PDE3A: variants seen among roughly 807,000 people sequenced by gnomAD.
The protein encoded by PDE3A is cGMP-inhibited 3',5'-cyclic phosphodiesterase 3A.
In PDE3A, 43 loss-of-function variants were observed where a neutral mutation model predicts 98.3. The ratio of observed to expected loss-of-function variants is 0.44; its 90% CI spans 0.34 to 0.56. The LOEUF is 0.56. Among genes scored for constraint, PDE3A ranks in the 20% least tolerant of loss-of-function variants. PDE3A has a pLI of 0.01. For synonymous variants in PDE3A, 663 were observed against 567.9 expected (o/e 1.17, Z -2.38); for missense variants, 1,427 against 1,440.7 (o/e 0.99, Z 0.15).
At chr12:20,407,931 T>A (rs1047790014) in intron 1 of PDE3A, among the ~76,000 whole-genome samples, 1 of 152,144 alleles carries the variant, frequency 6.6e-6, no homozygotes, top group Admixed American at 6.5e-5. Context: ...ATTTATTTAT[T>A]TATTTTGAGA....
intron 1 of PDE3A, among the ~76,000 whole-genome samples, chr12:20,455,067 G>A (rs2120901986): frequency 6.6e-6 from 1 of 152,098 alleles, no homozygotes. Context: ...TACAGTGGCT[G>A]AACTCCCACC....
At chr12:20,663,775 TG>T (rs1026465656) in intron 15 of PDE3A, among the ~76,000 whole-genome samples, 2 of 152,128 alleles carry the variant, frequency 1.3e-5, no homozygotes, top group African/African-American at 4.8e-5. Flanking sequence ...ACCTTGGACT[TG>T]GACTTTTGGG....
At chr12:20,575,100 T>C (rs1942899055) in intron 2 of PDE3A, among the ~76,000 whole-genome samples, 2 of 152,014 alleles carry the variant, frequency 1.3e-5, no homozygotes, top group South Asian at 4.1e-4. Context: ...TTTCAAGTAA[T>C]TTATGAGGAG....
chr12:20,646,544 C>T lies in PDE3A; in HGVS notation c.2306C>T (p.Thr769Ile). 1 of 1,610,506 alleles carries T rather than the reference C, an allele frequency of 6.2e-7. No individual in the cohort carries two copies. Among genetic ancestry groups the T allele is most frequent in the Non-Finnish European group, 8.5e-7 (1 of 1,176,716 alleles). ...DVLHAVWYLT[T>I]QPIPGLSTVI... ...TTACATGCTGTTTGGTATCTTACTA[C>T]ACAGCCTATTCCAGGCCTCTCAACT... The change falls in exon 11 of 16, where the codon ACA becomes ATA. Residue 769 changes from threonine (T) to isoleucine (I), a missense_variant. Around this residue, in one of 3 missense-constraint regions of PDE3A, gnomAD observed 273 missense variants for 420.3 expected, o/e 0.65. Transcript: ENST00000359062.
intron 1 of PDE3A, among the ~76,000 whole-genome samples, chr12:20,394,327 G>A (rs1184065134): frequency 6.6e-6 from 1 of 151,870 alleles, no homozygotes; most frequent in South Asian, 2.1e-4. Flanking sequence ...GTAACTTATA[G>A]GGAAATCATA....
At chr12:20,519,866 G>T (rs983350236) in intron 1 of PDE3A, among the ~76,000 whole-genome samples, 2 of 152,138 alleles carry the variant, frequency 1.3e-5, no homozygotes, top group Non-Finnish European at 2.9e-5. Flanking sequence ...CTAGCAGAGG[G>T]GTGGTGAGGA....
chr12:20,651,252 T>C (rs568890669), intron 14 of PDE3A, among the ~76,000 whole-genome samples: 3 of 152,314 alleles, frequency 2.0e-5, no homozygotes, highest in East Asian at 1.9e-4. Flanking sequence ...GACATTACCC[T>C]ACACCCATCA....
At chr12:20,551,394 T>TA (rs149223338) in intron 1 of PDE3A, among the ~76,000 whole-genome samples, 10,168 of 145,208 alleles carry the variant, frequency 0.07, 429 homozygotes, top group African/African-American at 0.12. Flanking sequence ...TCTTTTGTAA[T>TA]AAAAAAAAAA....
intron 1 of PDE3A, among the ~76,000 whole-genome samples, chr12:20,543,814 T>C (rs898820661): frequency 3.3e-5 from 5 of 152,048 alleles, no homozygotes; most frequent in African/African-American, 1.2e-4. Context: ...ATAGCTCACA[T>C]TTAGTAAGTC....
intron 1 of PDE3A, among the ~76,000 whole-genome samples, chr12:20,464,380 C>G (rs1163854934): frequency 6.6e-6 from 1 of 152,126 alleles, no homozygotes; most frequent in East Asian, 1.9e-4. Flanking sequence ...TTCACTGTCA[C>G]TTAGTAAATC....
chr12:20,627,315 A>G (rs1216616614), intron 5 of PDE3A, among the ~76,000 whole-genome samples: 1 of 152,110 alleles, frequency 6.6e-6, no homozygotes, highest in East Asian at 1.9e-4. Flanking sequence ...TGCAAAAACC[A>G]CAATTACTTT....
intron 1 of PDE3A, among the ~76,000 whole-genome samples, chr12:20,386,747 A>T (rs919790137): frequency 4.6e-5 from 7 of 151,988 alleles, no homozygotes; most frequent in Non-Finnish European, 8.8e-5. Context: ...GTTCACTCTG[A>T]TGATTGTTTT....
intron 1 of PDE3A, among the ~76,000 whole-genome samples, chr12:20,543,686 C>T (rs760065429): frequency 1.3e-5 from 2 of 151,892 alleles, no homozygotes; most frequent in Admixed American, 6.6e-5. Flanking sequence ...ATGGGTTTTT[C>T]CTATTCTAGT....
chr12:20,575,917 A>G (rs2121325441), intron 2 of PDE3A, among the ~76,000 whole-genome samples: 1 of 151,988 alleles, frequency 6.6e-6, no homozygotes. Flanking sequence ...ACAACTAAGA[A>G]ATTTGGTCAA....
chr12:20,552,173 C>G lies in PDE3A; in HGVS notation c.961-4487C>G. 6 of 1,613,796 alleles carry G rather than the reference C, an allele frequency of 3.7e-6. No individual in the cohort carries two copies. The highest frequency in any genetic ancestry group is 5.1e-6 in the Non-Finnish European group (6 of 1,179,902). On this transcript the variant is annotated intron_variant, in intron 1 of 15. Coordinates refer to ENST00000359062, the MANE Select transcript of PDE3A (RefSeq NM_000921.5). The surrounding 1 kb of genome is among the most constrained non-coding windows in gnomAD (Gnocchi z 5.1). ...GCGCTGGCTCTCAACTGCTTTGCTC[C>G]CATCAATGACCAAGAAGGGGCCGAG... is the stretch of plus-strand genomic sequence containing the variant.
chr12:20,523,444 T>C (rs570448298), intron 1 of PDE3A, among the ~76,000 whole-genome samples: 1 of 152,368 alleles, frequency 6.6e-6, no homozygotes, highest in South Asian at 2.1e-4. Context: ...GTCTTCTTTC[T>C]CTAATTTCCT....
At chr12:20,676,573 C>A (rs1339678458) in intron 15 of PDE3A, among the ~76,000 whole-genome samples, 2 of 145,776 alleles carry the variant, frequency 1.4e-5, no homozygotes, top group Non-Finnish European at 3.0e-5. Flanking sequence ...GATCTCAGCT[C>A]ACTGCAAGCT....
chr12:20,665,446 G>A (rs78645392), intron 15 of PDE3A, among the ~76,000 whole-genome samples: 3,263 of 152,122 alleles, frequency 0.021, 102 homozygotes, highest in African/African-American at 0.073. Context: ...TGAATCATTT[G>A]GTCAAAGAAA....
chr12:20,412,988 C>T (rs1283573043), intron 1 of PDE3A, among the ~76,000 whole-genome samples: 1 of 152,188 alleles, frequency 6.6e-6, no homozygotes, highest in Non-Finnish European at 1.5e-5. Flanking sequence ...CTGTACAAAT[C>T]AGTTCAATAA....
Sources: allele counts gnomAD v4.1 joint callset (sites outside exome capture counted in the v4.1 genomes callset), GRCh38; gene constraint gnomAD v4.1.1; regional missense constraint gnomAD v4.1.1; non-coding constraint Gnocchi (gnomAD v3.1); transcripts MANE v1.5; gene names NCBI Gene and HGNC (gene_info 2026-07-23, HGNC 2026-07-21).